Variants in KCNT1 observed in about 807,000 individuals in gnomAD.
KCNT1 encodes the protein potassium sodium-activated channel subfamily T member 1.
KCNT1 carries 78 observed loss-of-function variants against 147.8 expected under a neutral mutation model. The observed-to-expected ratio is 0.53, with a 90% CI of 0.44 to 0.64. The LOEUF (loss-of-function observed/expected upper bound fraction) is 0.64. KCNT1 is among the 30% of genes least tolerant of loss of function. The probability of loss-of-function intolerance (pLI) is 0.00; values close to 1 mark genes in which losing one functional copy is unlikely to be tolerated. For missense variants in KCNT1, 1,419 were observed against 1,750.3 expected, an observed-to-expected ratio of 0.81 and a Z score of 3.38; for synonymous variants, 867 against 748.8, an observed-to-expected ratio of 1.16 and a Z score of -2.58.
At chr9:135,718,085 G>A (rs985830346) in intron 2 of KCNT1, among the ~76,000 whole-genome samples, 3 of 152,228 alleles carry the variant, frequency 2.0e-5, no homozygotes, top group Non-Finnish European at 2.9e-5. Flanking sequence ...TCAGCCGCTT[G>A]GAGGACCCTC....
chr9:135,727,060 CCTCTGTTTCCCATTCTCTCTCTCCCT>C (rs1836206395), intron 2 of KCNT1, among the ~76,000 whole-genome samples: 1 of 20,372 alleles, frequency 4.9e-5, no homozygotes, highest in Non-Finnish European at 9.5e-5. Context: ...TCCCTCTCTC[CCTCTGTTTCCCATTCTCTCTCTCCCT>C]CTCTCTCCCT....
intron 2 of KCNT1, among the ~76,000 whole-genome samples, chr9:135,734,537 C>A (rs1830254270): frequency 6.6e-6 from 1 of 152,134 alleles, no homozygotes; most frequent in Admixed American, 6.5e-5. Context: ...CAGGCGGCAC[C>A]TGCTGCAGCC....
intron 6 of KCNT1, 54 bp from the exon 7 acceptor site, chr9:135,756,818 GC>G (rs1831510283): frequency 2.7e-6 from 4 of 1,496,782 alleles, no homozygotes; most frequent in Non-Finnish European, 3.7e-6. Context: ...GTGGGGTCAG[GC>G]CCCAGCCCCA....
chr9:135,768,888 C>T lies in KCNT1; in HGVS notation c.1461C>T (p.Leu487=), dbSNP rs763089040. The T allele has an allele frequency of 2.0e-5, 33 of 1,613,466 alleles. No homozygotes were observed. In the South Asian group the frequency reaches 3.4e-4, roughly 17 times the overall value. Residue 487 remains leucine, a synonymous_variant, in exon 15 of 31, where the codon CTC becomes CTT. Transcript: ENST00000371757. ...AGGACTTCGCCCCCAACTGCCCCCTCTACGTCCAGATCCTCAAACCTGAAA... is the reference window on the plus strand; with the variant it reads ...AGGACTTCGCCCCCAACTGCCCCCTTTACGTCCAGATCCTCAAACCTGAAA... ...AVKDFAPNCP[L]YVQILKPENK... is the part of the protein sequence containing the mutation.
At position 135,784,904 on chromosome 9, in the gene KCNT1, T is replaced by C. The variant is rs910734807; in HGVS notation, c.3156+15T>C. The C allele has an allele frequency of 5.0e-5, 80 of 1,610,526 alleles. 1 individual carries two copies. The highest frequency in any genetic ancestry group is 6.8e-5 in the Non-Finnish European group (80 of 1,179,434). Reference sequence around the variant, plus strand: ...CCACCTCGGAGGTTCTGGGGCAGCCTGGGGGCTGGGACTGTGGCAGCCCCT... The same window carrying C: ...CCACCTCGGAGGTTCTGGGGCAGCCCGGGGGCTGGGACTGTGGCAGCCCCT... On this transcript the variant is annotated intron_variant, in intron 27 of 30. Transcript: ENST00000371757.
At chr9:135,703,745 C>A (rs1835130341) in intron 1 of KCNT1, among the ~76,000 whole-genome samples, 1 of 152,234 alleles carries the variant, frequency 6.6e-6, no homozygotes. Context: ...TTATCACCTA[C>A]CCTGCTGGGC....
intron 1 of KCNT1, among the ~76,000 whole-genome samples, chr9:135,705,986 G>C (rs1835238870): frequency 6.6e-6 from 1 of 152,188 alleles, no homozygotes; most frequent in Non-Finnish European, 1.5e-5. Flanking sequence ...TGCAGGACCA[G>C]GGTCTGGACT....
At chr9:135,741,116 GA>G (rs1564335433) in intron 2 of KCNT1, among the ~76,000 whole-genome samples, 1 of 152,222 alleles carries the variant, frequency 6.6e-6, no homozygotes, top group Non-Finnish European at 1.5e-5. Flanking sequence ...AATCAGTGGG[GA>G]CGGCTGTCCT....
intron 24 of KCNT1, among the ~76,000 whole-genome samples, 170 bp downstream of exon 24, chr9:135,779,640 G>C (rs374543506): frequency 6.6e-6 from 1 of 152,236 alleles, no homozygotes; most frequent in African/African-American, 2.4e-5. Context: ...GGGTGCTCTT[G>C]ATGGTGGAAC....
intron 2 of KCNT1, among the ~76,000 whole-genome samples, chr9:135,727,052 C>T (rs1444518405): frequency 9.4e-5 from 4 of 42,594 alleles, no homozygotes; most frequent in Admixed American, 2.5e-4. Context: ...TCTCTCTCTC[C>T]CTCTCTCCCT....
At position 135,795,255 on chromosome 9, in the gene KCNT1, A is replaced by T. The variant is rs1050768780; in HGVS notation, c.*3094A>T. The T allele has an allele frequency of 6.6e-6, 1 of 151,336 alleles. No homozygotes were observed. The allele number at this position is 151,336 out of a possible 1,614,324, so 9.4% of individuals were successfully genotyped here. A position where few individuals can be genotyped will look rare whatever the true frequency, so the allele number is the denominator to read the frequency against. On this transcript the variant is annotated 3_prime_UTR_variant, in exon 31 of 31. Transcript: ENST00000371757. The stretch of plus-strand genomic sequence containing the variant: ...TGAGTTTAAGATCAGCGTGGGCAAC[A>T]TGATGAACCCTGACTGTATCAAAAA...
Position 135,770,436 on chromosome 9 carries a change from C to A in KCNT1, c.1758C>A (p.His586Gln), listed in dbSNP as rs142760483. 5 of 1,611,384 alleles carry A rather than the reference C, an allele frequency of 3.1e-6. No homozygotes were observed. Among genetic ancestry groups the A allele is most frequent in the African/African-American group, 1.3e-5 (1 of 75,008 alleles). The stretch of plus-strand genomic sequence containing the variant: ...AGAGCTTCACCTACGCGGCCTTCCA[C>A]GCCCACAAGAAGTAAGGCCGGGCTG... ...EGKSFTYAAF[H>Q]AHKKYGVCLI... Residue 586 changes from histidine (H) to glutamine (Q), a missense_variant, in exon 17 of 31, where the codon CAC becomes CAA. Physicochemically the swap from His to Gln is conservative, Grantham distance 24. This residue lies in a region of KCNT1 where 284 missense variants were observed against 292.8 expected (regional missense o/e 0.97). Transcript: ENST00000371757.
chr9:135,786,178 C>T lies in KCNT1; in HGVS notation c.3178-19C>T, dbSNP rs1376156114. 2.5e-6 allele frequency: 4 copies of T among 1,591,336 alleles called. No individual in the cohort carries two copies. The highest frequency in any genetic ancestry group is 2.6e-6 in the Non-Finnish European group (3 of 1,168,656). The stretch of plus-strand genomic sequence containing the variant: ...GCAGCCTCACCCCTCCCCGCCCTGC[C>T]CTGCCCTGCCCTGCCCAGTCCCAGA... On this transcript the variant is annotated intron_variant, in intron 28 of 30. Coordinates refer to ENST00000371757, the MANE Select transcript of KCNT1 (RefSeq NM_020822.3).
chr9:135,762,439 CCT>C (rs1214699167), intron 11 of KCNT1, among the ~76,000 whole-genome samples: 6 of 151,920 alleles, frequency 3.9e-5, no homozygotes, highest in Non-Finnish European at 8.8e-5. Context: ...AGAGTGAGAC[CCT>C]GTTTCAAAAA....
chr9:135,721,331 T>C (rs921420348), intron 2 of KCNT1, among the ~76,000 whole-genome samples: 1 of 152,162 alleles, frequency 6.6e-6, no homozygotes, highest in East Asian at 1.9e-4. Flanking sequence ...TTTAACATTC[T>C]GCCCGGGGCC....
At chr9:135,787,027 G>A (rs1031594630) in intron 29 of KCNT1, among the ~76,000 whole-genome samples, 5 of 152,196 alleles carry the variant, frequency 3.3e-5, no homozygotes, top group African/African-American at 1.2e-4. Flanking sequence ...TTCTCGCAGA[G>A]AACAAGACTG....
chr9:135,777,312 G>GC (rs748086262), intron 20 of KCNT1, 26 bp from the exon 21 acceptor site: 1 of 1,606,074 alleles, frequency 6.2e-7, no homozygotes, highest in South Asian at 1.1e-5. Context: ...CCTGACTCCA[G>GC]CCCTGACTCC....
At chr9:135,771,793 G>A (rs745957455) in intron 18 of KCNT1, among the ~76,000 whole-genome samples, 1 of 152,194 alleles carries the variant, frequency 6.6e-6, no homozygotes, top group Non-Finnish European at 1.5e-5. Flanking sequence ...GCCTTCCTGG[G>A]GGACAGTTAG....
Position 135,752,780 on chromosome 9 carries a change from TGATGGATGGATG to T in KCNT1, c.435-1144_435-1133del, listed in dbSNP as rs374571590. ...ATGGAGGGATGAGTGGATGGGTGGATGATGGATGGATGGATGGATGGATGATGCGTGGATGGG... is the reference window on the plus strand; with the variant it reads ...ATGGAGGGATGAGTGGATGGGTGGATGATGGATGGATGATGCGTGGATGGG... On this transcript the variant is annotated intron_variant, in intron 4 of 30. Transcript: ENST00000371757. This position sits in a 1 kb window ranked among gnomAD's most constrained non-coding sequence, Gnocchi z 5.1. Among the ~76,000 whole-genome samples the T allele has an allele frequency of 5.1e-5, 7 of 137,870 alleles. No homozygotes were observed. The highest frequency in any genetic ancestry group is 1.7e-4 in the African/African-American group (6 of 35,976). 90.4% of individuals were successfully genotyped at this position (137,870 alleles called of 152,430 possible).
Sources: allele counts gnomAD v4.1 joint callset (sites outside exome capture counted in the v4.1 genomes callset), GRCh38; gene constraint gnomAD v4.1.1; regional missense constraint gnomAD v4.1.1; non-coding constraint Gnocchi (gnomAD v3.1); transcripts MANE v1.5; gene names NCBI Gene and HGNC (gene_info 2026-07-23, HGNC 2026-07-21).